The following RBFOX1 variants were observed in gnomAD, a reference collection of about 807,000 sequenced individuals.
RBFOX1 encodes RNA binding fox-1 homolog 1.
A neutral mutation model predicts 57.7 loss-of-function variants in RBFOX1; 8 were observed. The ratio of observed to expected loss-of-function variants is 0.14; its 90% CI spans 0.08 to 0.25. The LOEUF is 0.25. Ranked by LOEUF, RBFOX1 falls within the 10% of genes least tolerant of loss-of-function variation. RBFOX1 has a pLI of 1.00. For missense variants in RBFOX1, 611 were observed against 548.5 expected (o/e 1.11, Z -1.14); for synonymous variants, 326 against 222.4 (o/e 1.47, Z -4.15).
At chr16:6,906,107 TA>T (rs35176266) in intron 3 of RBFOX1, among the ~76,000 whole-genome samples, 40,947 of 151,482 alleles carry the variant, frequency 0.27, 5,999 homozygotes, top group African/African-American at 0.4. Context: ...GCTTTATCAT[TA>T]AAAAAAAATT....
chr16:7,475,020 C>T (rs1289416542), intron 4 of RBFOX1, among the ~76,000 whole-genome samples: 1 of 152,180 alleles, frequency 6.6e-6, no homozygotes, highest in African/African-American at 2.4e-5. Flanking sequence ...TCCACACAAT[C>T]CAGCTGTTGA....
intron 4 of RBFOX1, among the ~76,000 whole-genome samples, chr16:5,968,071 C>T (rs534776969): frequency 2.0e-4 from 30 of 152,200 alleles, no homozygotes; most frequent in African/African-American, 7.0e-4. Context: ...GCTCATTCTC[C>T]AGTACTTTAT....
intron 1 of RBFOX1, among the ~76,000 whole-genome samples, chr16:6,236,989 C>G (rs17139648): frequency 0.026 from 3,919 of 152,204 alleles, 56 homozygotes; most frequent in Middle Eastern, 0.051. Context: ...TATTTCATCT[C>G]TAAACAAACT....
chr16:6,640,696 C>CCCT, intron 2 of RBFOX1, among the ~76,000 whole-genome samples: 1 of 152,230 alleles, frequency 6.6e-6, no homozygotes, highest in Non-Finnish European at 1.5e-5. Context: ...ATATAGGAAA[C>CCCT]ACTGGGCAAA....
In RBFOX1 at chr16:5,599,288, G is replaced by A. The variant is rs767388503; in HGVS notation, c.*39G>A. The stretch of plus-strand genomic sequence containing the variant: ...TGGTCCCTCTGCGCCCTGGTGTGAC[G>A]GCCCCAGGTTGTGGGAGCACGTGAA... On this transcript the variant is annotated 3_prime_UTR_variant, in exon 3 of 3. Coordinates refer to the RBFOX1 transcript ENST00000585867. 89 of 635,926 alleles carry A rather than the reference G, an allele frequency of 1.4e-4. No individual in the cohort carries two copies. The African/African-American group carries it at 1.5e-3, about 10-fold the overall frequency. The allele number at this position is 635,926 out of a possible 1,614,324, so 39.4% of individuals were successfully genotyped here.
chr16:7,189,452 A>G (rs1169436133), intron 4 of RBFOX1, among the ~76,000 whole-genome samples: 1 of 142,000 alleles, frequency 7.0e-6, no homozygotes, highest in Non-Finnish European at 1.5e-5. Flanking sequence ...AAAAAAAGGA[A>G]TCCTCAATGG....
chr16:5,970,341 C>A (rs1477001759), intron 4 of RBFOX1, among the ~76,000 whole-genome samples: 1 of 151,910 alleles, frequency 6.6e-6, no homozygotes, highest in East Asian at 1.9e-4. Flanking sequence ...TTCCAGAATT[C>A]TAAATATTAA....
At chr16:7,346,755 C>G (rs2097017467) in intron 4 of RBFOX1, among the ~76,000 whole-genome samples, 1 of 152,010 alleles carries the variant, frequency 6.6e-6, no homozygotes, top group Non-Finnish European at 1.5e-5. Context: ...GACTGAAGAC[C>G]CATAAGATTC....
intron 3 of RBFOX1, among the ~76,000 whole-genome samples, chr16:5,799,717 AT>A (rs1430559295): frequency 2.0e-5 from 3 of 152,150 alleles, no homozygotes; most frequent in Non-Finnish European, 4.4e-5. Flanking sequence ...TATTGAATCC[AT>A]TTTTGACTTA....
intron 3 of RBFOX1, among the ~76,000 whole-genome samples, chr16:5,612,886 G>C (rs912946528): frequency 6.6e-6 from 1 of 152,206 alleles, no homozygotes; most frequent in Non-Finnish European, 1.5e-5. Context: ...TTCCTAACGA[G>C]GTCTCCTAAA....
chr16:6,227,135 A>C (rs1033966299), intron 1 of RBFOX1, among the ~76,000 whole-genome samples: 13 of 151,980 alleles, frequency 8.6e-5, no homozygotes, highest in African/African-American at 3.1e-4. Flanking sequence ...AGAAAAAAAA[A>C]AGTAATATTA....
chr16:6,721,602 C>G (rs1159322091), intron 3 of RBFOX1, among the ~76,000 whole-genome samples: 4 of 152,270 alleles, frequency 2.6e-5, no homozygotes, highest in East Asian at 1.9e-4. Flanking sequence ...TCTCCTTACC[C>G]TCCAGCTCCT....
chr16:7,706,130 T>A (rs2082360777), intron 14 of RBFOX1, among the ~76,000 whole-genome samples: 1 of 152,178 alleles, frequency 6.6e-6, no homozygotes, highest in African/African-American at 2.4e-5. Flanking sequence ...AGCACTCAAG[T>A]CCACATCTTC....
At chr16:7,562,362 G>A (rs537987285) in intron 5 of RBFOX1, among the ~76,000 whole-genome samples, 1 of 152,284 alleles carries the variant, frequency 6.6e-6, no homozygotes, top group South Asian at 2.1e-4. Flanking sequence ...GAAAGAGCCT[G>A]AAGTTACAGA....
intron 1 of RBFOX1, among the ~76,000 whole-genome samples, chr16:5,241,667 A>G (rs1384226868): frequency 1.3e-5 from 2 of 152,182 alleles, no homozygotes; most frequent in Non-Finnish European, 2.9e-5. Flanking sequence ...GTTACTGCTG[A>G]GATTAAGGGA....
At chr16:5,939,752 C>T (rs2059242926) in intron 4 of RBFOX1, among the ~76,000 whole-genome samples, 1 of 152,182 alleles carries the variant, frequency 6.6e-6, no homozygotes, top group South Asian at 2.1e-4. Flanking sequence ...ACCACCATAC[C>T]AGCTGATAGA....
At chr16:6,364,831 G>C (rs1177990713) in intron 2 of RBFOX1, among the ~76,000 whole-genome samples, 3 of 152,202 alleles carry the variant, frequency 2.0e-5, no homozygotes, top group East Asian at 3.9e-4. Context: ...ACTTGGGAGA[G>C]AGTAACTGAA....
chr16:7,662,198 T>G (rs145409729), intron 12 of RBFOX1, among the ~76,000 whole-genome samples: 2 of 152,228 alleles, frequency 1.3e-5, no homozygotes, highest in South Asian at 4.1e-4. Context: ...GGTTCCACCA[T>G]TGAGATCTTT....
chr16:5,631,334 G>A (rs2048499725), intron 3 of RBFOX1, among the ~76,000 whole-genome samples: 1 of 152,156 alleles, frequency 6.6e-6, no homozygotes, highest in East Asian at 1.9e-4. Context: ...CGAGGCAGGT[G>A]GATCACGAGG....
Sources: gnomAD v4.1 joint callset for allele counts (sites outside exome capture counted in the v4.1 genomes callset) on GRCh38, gnomAD v4.1.1 for gene constraint, MANE v1.5 for transcripts, NCBI Gene and HGNC (gene_info 2026-07-23, HGNC 2026-07-21) for gene names.